The following CPE variants were observed in gnomAD, a reference collection of about 807,000 sequenced individuals.
The protein encoded by CPE is carboxypeptidase E, also known as carbocypeptidase E.
A neutral mutation model predicts 53.5 loss-of-function variants in CPE; 17 were observed. The ratio of observed to expected loss-of-function variants is 0.32; its 90% confidence interval spans 0.22 to 0.48. CPE has a LOEUF of 0.48. Ranked by LOEUF, CPE falls within the 20% of genes least tolerant of loss-of-function variation. The probability of loss-of-function intolerance (pLI) is 0.99; values close to 1 mark genes in which losing one functional copy is unlikely to be tolerated. For missense variants in CPE, 524 were observed against 614.7 expected (o/e 0.85, Z 1.56); for synonymous variants, 226 against 228.8 (o/e 0.99, Z 0.11).
At position 165,493,136 on chromosome 4, in the gene CPE, C is replaced by A; in HGVS notation, c.1114-35C>A. The stretch of plus-strand genomic sequence containing the variant: ...AGGCCATTTCTATAAATTTATAGGT[C>A]ATATTAATTTTTTGGTTATTTTTGA... On this transcript the variant is annotated intron_variant, in intron 6 of 8. Coordinates refer to ENST00000402744, the MANE Select transcript of CPE (RefSeq NM_001873.4). 2.3e-6 allele frequency: 3 copies of A among 1,330,126 alleles called. No individual in the cohort carries two copies. In the South Asian group the frequency reaches 3.6e-5, roughly 16 times the overall value. The allele number at this position is 1,330,126 out of a possible 1,614,324, so 82.4% of individuals were successfully genotyped here. A position where few individuals can be genotyped will look rare whatever the true frequency, so the allele number is the denominator to read the frequency against.
At chr4:165,475,168 T>C (rs878950785) in intron 3 of CPE, among the ~76,000 whole-genome samples, 2 of 152,152 alleles carry the variant, frequency 1.3e-5, no homozygotes. Context: ...GAATTTTCCC[T>C]CCTTTCAAAG....
chr4:165,463,826 T>A (rs1350522880), intron 1 of CPE, among the ~76,000 whole-genome samples: 1 of 152,240 alleles, frequency 6.6e-6, no homozygotes, highest in Non-Finnish European at 1.5e-5. Context: ...GTGGGTGAGA[T>A]GGTATATTAG....
intron 1 of CPE, among the ~76,000 whole-genome samples, chr4:165,436,093 C>T (rs1414030061): frequency 6.6e-6 from 1 of 152,040 alleles, no homozygotes; most frequent in Admixed American, 6.6e-5. Context: ...TCTTGACCTT[C>T]CTCTCTTCTT....
At chr4:165,418,458 G>A (rs1731159637) in intron 1 of CPE, among the ~76,000 whole-genome samples, 1 of 152,162 alleles carries the variant, frequency 6.6e-6, no homozygotes, top group African/African-American at 2.4e-5. Context: ...TGAGGTTTTT[G>A]GGGAAAATTA....
intron 5 of CPE, among the ~76,000 whole-genome samples, chr4:165,486,856 C>T (rs1219910696): frequency 2.6e-5 from 4 of 152,096 alleles, no homozygotes; most frequent in Middle Eastern, 3.2e-3. Context: ...AAATCATCTT[C>T]GGAGAGAGGC....
chr4:165,402,775 T>A (rs1730890771), intron 1 of CPE, among the ~76,000 whole-genome samples: 1 of 152,190 alleles, frequency 6.6e-6, no homozygotes, highest in South Asian at 2.1e-4. Context: ...AATTCAAGAA[T>A]GGCCTAATGC....
chr4:165,491,365 A>G (rs535813388), intron 6 of CPE, among the ~76,000 whole-genome samples: 31 of 152,336 alleles, frequency 2.0e-4, no homozygotes, highest in African/African-American at 7.0e-4. Context: ...GTACTTGGGT[A>G]AAGCCTCTTT....
At chr4:165,421,308 G>A (rs890010232) in intron 1 of CPE, among the ~76,000 whole-genome samples, 2 of 152,194 alleles carry the variant, frequency 1.3e-5, no homozygotes, top group African/African-American at 2.4e-5. Flanking sequence ...GGACCTACGT[G>A]CCTGGCCATA....
At chr4:165,461,188 G>A (rs9685321) in intron 1 of CPE, among the ~76,000 whole-genome samples, 4,397 of 79,538 alleles carry the variant, frequency 0.055, 147 homozygotes, top group East Asian at 0.13. Context: ...AAAAAAAAAA[G>A]AAAGAAAGAA....
intron 1 of CPE, among the ~76,000 whole-genome samples, chr4:165,458,019 G>A (rs951150940): frequency 5.3e-5 from 8 of 152,090 alleles, no homozygotes; most frequent in African/African-American, 1.9e-4. Context: ...AAACTTGTAG[G>A]GTTCAGTTTC....
chr4:165,403,242 A>C (rs181541862), intron 1 of CPE, among the ~76,000 whole-genome samples: 1 of 152,352 alleles, frequency 6.6e-6, no homozygotes, highest in Non-Finnish European at 1.5e-5. Flanking sequence ...TGTGTATCAT[A>C]AAGGAAACCA....
intron 2 of CPE, 106 bp downstream of exon 2, chr4:165,464,692 T>G: frequency 1.1e-6 from 1 of 949,760 alleles, no homozygotes; most frequent in Non-Finnish European, 1.5e-6. Context: ...TTACAGATGG[T>G]GCAGTGGAGG....
chr4:165,490,814 C>T (rs111319116), intron 6 of CPE, among the ~76,000 whole-genome samples: 3,740 of 152,168 alleles, frequency 0.025, 156 homozygotes, highest in African/African-American at 0.081. Flanking sequence ...GGTTTAGGGG[C>T]TATAAACAGT....
intron 3 of CPE, among the ~76,000 whole-genome samples, chr4:165,480,489 A>G (rs1188081713): frequency 6.6e-6 from 1 of 152,188 alleles, no homozygotes; most frequent in Non-Finnish European, 1.5e-5. Flanking sequence ...GATTACTAGT[A>G]CTAGTGTAGT....
intron 1 of CPE, among the ~76,000 whole-genome samples, chr4:165,452,439 TAAAA>T: frequency 6.6e-6 from 1 of 152,240 alleles, no homozygotes; most frequent in Middle Eastern, 3.4e-3. Flanking sequence ...GATATACCAT[TAAAA>T]AAAGAAAATA....
chr4:165,461,633 G>T, intron 1 of CPE, among the ~76,000 whole-genome samples: 1 of 152,262 alleles, frequency 6.6e-6, no homozygotes, highest in South Asian at 2.1e-4. Flanking sequence ...TTCCTTCACC[G>T]TTGCCTCACT....
At chr4:165,455,484 G>A (rs1489553582) in intron 1 of CPE, among the ~76,000 whole-genome samples, 3 of 152,130 alleles carry the variant, frequency 2.0e-5, no homozygotes, top group Non-Finnish European at 1.5e-5. Context: ...TGATGTAGCC[G>A]ATAACTATTA....
At chr4:165,428,438 A>T (rs79063067) in intron 1 of CPE, among the ~76,000 whole-genome samples, 44,785 of 151,914 alleles carry the variant, frequency 0.29, 6,653 homozygotes, top group Middle Eastern at 0.39. Context: ...AAAAAGACTT[A>T]CTGTAATGGG....
At chr4:165,431,340 A>C (rs1731405404) in intron 1 of CPE, among the ~76,000 whole-genome samples, 1 of 152,186 alleles carries the variant, frequency 6.6e-6, no homozygotes, top group African/African-American at 2.4e-5. Flanking sequence ...GTACTACAAA[A>C]TTGATCTTGC....
Sources: gnomAD v4.1 joint callset for allele counts (sites outside exome capture counted in the v4.1 genomes callset) on GRCh38, gnomAD v4.1.1 for gene constraint, MANE v1.5 for transcripts, NCBI Gene and HGNC (gene_info 2026-07-23, HGNC 2026-07-21) for gene names.